The following FAM193A variants were observed in gnomAD, a reference collection of about 807,000 sequenced individuals.
The protein encoded by FAM193A is family with sequence similarity 193 member A.
A neutral mutation model predicts 126.5 loss-of-function variants in FAM193A; 22 were observed. The ratio of observed to expected loss-of-function variants is 0.17; its 90% confidence interval spans 0.12 to 0.25. The LOEUF (loss-of-function observed/expected upper bound fraction) is 0.25. FAM193A is among the 10% of genes least tolerant of loss of function. FAM193A has a pLI of 1.00. For missense variants in FAM193A, 1,675 were observed against 1,672.8 expected (o/e 1.00, Z -0.02); for synonymous variants, 761 against 646.8 (o/e 1.18, Z -2.68).
chr4:2,633,952 C>T (rs1046034675), intron 5 of FAM193A, among the ~76,000 whole-genome samples: 1 of 152,096 alleles, frequency 6.6e-6, no homozygotes, highest in East Asian at 1.9e-4. Context: ...GGGAGTAAGT[C>T]GTAGTGGTGA....
At chr4:2,543,890 A>AAC (rs1218671319) in intron 1 of FAM193A, among the ~76,000 whole-genome samples, 1 of 151,190 alleles carries the variant, frequency 6.6e-6, no homozygotes, top group East Asian at 1.9e-4. Flanking sequence ...AAAAAAAAAA[A>AAC]AAAAACCAAA....
At chr4:2,688,526 G>A (rs1354601103) in intron 13 of FAM193A, among the ~76,000 whole-genome samples, 2 of 152,128 alleles carry the variant, frequency 1.3e-5, no homozygotes. Flanking sequence ...CGGCCAAGGG[G>A]AGGCCTGTGT....
At chr4:2,722,921 T>G (rs1720317425) in intron 20 of FAM193A, among the ~76,000 whole-genome samples, 1 of 152,068 alleles carries the variant, frequency 6.6e-6, no homozygotes, top group Non-Finnish European at 1.5e-5. Context: ...CCTTCCAGAG[T>G]GCTGGGATTG....
At chr4:2,640,852 C>G (rs1282500577) in intron 6 of FAM193A, among the ~76,000 whole-genome samples, 1 of 151,706 alleles carries the variant, frequency 6.6e-6, no homozygotes, top group Non-Finnish European at 1.5e-5. Context: ...GTGATCCTGG[C>G]TACTTGGGAG....
intron 13 of FAM193A, among the ~76,000 whole-genome samples, chr4:2,680,162 A>T (rs1011987163): frequency 3.9e-5 from 6 of 152,112 alleles, no homozygotes; most frequent in Non-Finnish European, 8.8e-5. Context: ...CGCCCAGCCT[A>T]TTGGGTGGTT....
intron 2 of FAM193A, among the ~76,000 whole-genome samples, chr4:2,612,680 A>G (rs1178229487): frequency 6.6e-6 from 1 of 152,178 alleles, no homozygotes; most frequent in African/African-American, 2.4e-5. Context: ...TATTGAAAAG[A>G]CAATTTTATC....
intron 19 of FAM193A, among the ~76,000 whole-genome samples, chr4:2,707,809 G>A (rs978704381): frequency 4.0e-5 from 6 of 150,286 alleles, no homozygotes; most frequent in Non-Finnish European, 8.9e-5. Context: ...GCCTCACTGC[G>A]GACTTTATTT....
intron 2 of FAM193A, among the ~76,000 whole-genome samples, chr4:2,602,164 A>G (rs781308135): frequency 1.3e-5 from 2 of 151,806 alleles, no homozygotes; most frequent in African/African-American, 4.8e-5. Flanking sequence ...ATATACATAC[A>G]TGTGCTATAT....
chr4:2,545,508 A>T (rs28498784), intron 1 of FAM193A, among the ~76,000 whole-genome samples: 1 of 151,682 alleles, frequency 6.6e-6, no homozygotes, highest in Non-Finnish European at 1.5e-5. Flanking sequence ...TGATGTGTCT[A>T]TTCCTTTCTG....
intron 1 of FAM193A, among the ~76,000 whole-genome samples, chr4:2,570,027 G>C (rs965661268): frequency 3.5e-5 from 5 of 144,186 alleles, no homozygotes; most frequent in Admixed American, 3.4e-4. Context: ...TGCTGGATAA[G>C]TCAAATACAT....
In FAM193A at chr4:2,714,903, AC is replaced by A. The variant is rs35510032; in HGVS notation, c.4373-1113del. On this transcript the variant is annotated intron_variant, in intron 19 of 20. Coordinates refer to ENST00000637812, the MANE Select transcript of FAM193A (RefSeq NM_001366318.2). ...TGAGGCTGAATGCTGTGTGCACTGCACCCCCCCAACCCCGCCCCAGCCCAGA... is the reference window on the plus strand; with the variant it reads ...TGAGGCTGAATGCTGTGTGCACTGCACCCCCCAACCCCGCCCCAGCCCAGA... Among the ~76,000 whole-genome samples the A allele has an allele frequency of 2.6e-5, 4 of 151,460 alleles. No individual in the cohort carries two copies. In the East Asian group the frequency reaches 7.8e-4, roughly 29 times the overall value.
chr4:2,564,033 TAGGC>T (rs1335861320), intron 1 of FAM193A, among the ~76,000 whole-genome samples: 2 of 152,200 alleles, frequency 1.3e-5, no homozygotes, highest in Non-Finnish European at 2.9e-5. Context: ...GTAGTTTTCA[TAGGC>T]AGGCATTTAA....
At chr4:2,536,586 TG>T (rs1239584086), upstream of FAM193A, 3 of 9,656 alleles carry the variant, frequency 3.1e-4, no homozygotes, top group African/African-American at 8.5e-4. Context: ...GGGTGGGGGG[TG>T]GGGGCCCACA....
At chr4:2,613,804 T>A (rs1336642537) in intron 2 of FAM193A, among the ~76,000 whole-genome samples, 1 of 146,720 alleles carries the variant, frequency 6.8e-6, no homozygotes, top group Non-Finnish European at 1.5e-5. Context: ...TCTCGCTTTG[T>A]AGCCCAGGCT....
At chr4:2,626,672 G>T in intron 4 of FAM193A, 95 bp downstream of exon 4, 1 of 620,320 alleles carries the variant, frequency 1.6e-6, no homozygotes. Context: ...TTTCCTTACA[G>T]TGCTCAGCTG....
At chr4:2,592,918 C>T (rs970404083) in intron 1 of FAM193A, among the ~76,000 whole-genome samples, 2 of 152,114 alleles carry the variant, frequency 1.3e-5, no homozygotes, top group African/African-American at 4.8e-5. Context: ...GTGTGTGTTC[C>T]CACCAGCCAT....
chr4:2,627,307 C>T (rs1743070406), intron 4 of FAM193A, among the ~76,000 whole-genome samples: 1 of 151,748 alleles, frequency 6.6e-6, no homozygotes, highest in African/African-American at 2.4e-5. Flanking sequence ...ATTACAGGTG[C>T]CCACCACTGT....
intron 5 of FAM193A, among the ~76,000 whole-genome samples, chr4:2,631,993 G>T (rs1362599167): frequency 1.3e-5 from 2 of 152,012 alleles, no homozygotes; most frequent in Non-Finnish European, 2.9e-5. Flanking sequence ...CTAGTTTTGG[G>T]TGCTTTCTTT....
At chr4:2,642,963 C>T (rs763698881) in intron 6 of FAM193A, among the ~76,000 whole-genome samples, 15 of 151,924 alleles carry the variant, frequency 9.9e-5, no homozygotes, top group Non-Finnish European at 1.9e-4. Context: ...TTTTCTGTGC[C>T]CTAGTTCTGG....
Sources: allele counts gnomAD v4.1 joint callset (sites outside exome capture counted in the v4.1 genomes callset), GRCh38; gene constraint gnomAD v4.1.1; transcripts MANE v1.5; gene names NCBI Gene and HGNC (gene_info 2026-07-23, HGNC 2026-07-21).